CNBD1: variants seen among roughly 807,000 people sequenced by gnomAD.
The protein encoded by CNBD1 is cyclic nucleotide-binding domain-containing protein 1.
Under a neutral mutation model 54.4 loss-of-function variants are expected in CNBD1, and 71 were observed. That is an observed-to-expected ratio of 1.30 (90% confidence interval 1.08 to 1.59). CNBD1 has a LOEUF of 1.59. Among genes scored for constraint, CNBD1 ranks in the 40% most tolerant of loss-of-function variants. The pLI is 0.00. For missense variants in CNBD1, 659 were observed against 518.0 expected, an observed-to-expected ratio of 1.27 and a Z score of -2.64; for synonymous variants, 182 against 170.7, an observed-to-expected ratio of 1.07 and a Z score of -0.51.
intron 4 of CNBD1, among the ~76,000 whole-genome samples, chr8:86,951,581 CAAAAAAAAAAAAAAAAAAAAAAA>C (rs71275901): frequency 2.7e-4 from 10 of 37,362 alleles, no homozygotes; most frequent in African/African-American, 7.9e-4. Context: ...CTCCGTCTCA[CAAAAAAAAAAAAAAAAAAAAAAA>C]AAAAAAAAAA....
At chr8:87,008,024 A>G (rs983257285) in intron 4 of CNBD1, among the ~76,000 whole-genome samples, 1 of 152,210 alleles carries the variant, frequency 6.6e-6, no homozygotes, top group African/African-American at 2.4e-5. Context: ...TATTGTTTTC[A>G]TACGGATTTT....
chr8:87,081,766 A>G (rs1026469688), intron 4 of CNBD1, among the ~76,000 whole-genome samples: 3 of 152,032 alleles, frequency 2.0e-5, no homozygotes, highest in Non-Finnish European at 4.4e-5. Flanking sequence ...TCGGCCTCCC[A>G]AAGTGCTGGG....
At chr8:86,936,004 G>A (rs1402152523) in intron 3 of CNBD1, among the ~76,000 whole-genome samples, 2 of 152,076 alleles carry the variant, frequency 1.3e-5, no homozygotes, top group African/African-American at 4.8e-5. Flanking sequence ...CTGGGCATTG[G>A]TGTTTTGCAC....
chr8:87,120,752 C>G (rs1811873219), intron 4 of CNBD1, among the ~76,000 whole-genome samples: 1 of 151,748 alleles, frequency 6.6e-6, no homozygotes, highest in South Asian at 2.1e-4. Context: ...TTTTGTTATG[C>G]TGTTTTCATT....
intron 10 of CNBD1, among the ~76,000 whole-genome samples, chr8:87,371,659 C>T (rs992181193): frequency 6.6e-6 from 1 of 151,954 alleles, no homozygotes; most frequent in Admixed American, 6.6e-5. Flanking sequence ...GGGCTTCATC[C>T]CTGGGATGCA....
chr8:87,311,828 T>C (rs902591710), intron 8 of CNBD1, among the ~76,000 whole-genome samples: 12 of 152,154 alleles, frequency 7.9e-5, no homozygotes, highest in Admixed American at 3.9e-4. Context: ...CATTAACCTA[T>C]GCAAATTAAC....
rs887173296 is a variant in CNBD1 at position 87,078,961 on chromosome 8, A to G, written c.432-127032A>G. Reference sequence around the variant, plus strand: ...AATAAATTGATACACCACCAATATTAGACAAAACTGTGTTACTCCCAAAAA... The same window carrying G: ...AATAAATTGATACACCACCAATATTGGACAAAACTGTGTTACTCCCAAAAA... On this transcript the variant is annotated intron_variant, in intron 4 of 10. Transcript: ENST00000518476. 5.9e-5 allele frequency among the ~76,000 whole-genome samples: 9 copies of G among 152,186 alleles called. No individual in the cohort carries two copies. The East Asian group carries it at 1.7e-3, about 29-fold the overall frequency.
chr8:87,426,609 A>T (rs1808055353), intron 2 of CNBD1, among the ~76,000 whole-genome samples: 1 of 152,212 alleles, frequency 6.6e-6, no homozygotes, highest in Non-Finnish European at 1.5e-5. Context: ...AAATCCTAGC[A>T]ATGCCAATTG....
At chr8:87,270,906 T>G (rs183188422) in intron 6 of CNBD1, among the ~76,000 whole-genome samples, 4 of 151,978 alleles carry the variant, frequency 2.6e-5, no homozygotes, top group East Asian at 1.9e-4. Context: ...TGTCCTGGGC[T>G]TTTGTTTGAT....
intron 4 of CNBD1, among the ~76,000 whole-genome samples, chr8:86,986,555 G>C (rs1808612005): frequency 6.6e-6 from 1 of 151,996 alleles, no homozygotes; most frequent in Non-Finnish European, 1.5e-5. Context: ...TGTTGTAATT[G>C]CTTTTGGGGA....
At chr8:87,235,647 G>A (rs1330873416) in intron 5 of CNBD1, among the ~76,000 whole-genome samples, 1 of 152,060 alleles carries the variant, frequency 6.6e-6, no homozygotes, top group African/African-American at 2.4e-5. Context: ...TAACATCAAT[G>A]ATCACTGATC....
At chr8:87,321,277 C>A (rs140666399) in intron 8 of CNBD1, among the ~76,000 whole-genome samples, 1 of 152,250 alleles carries the variant, frequency 6.6e-6, no homozygotes, top group East Asian at 1.9e-4. Context: ...ATAGCTGCAA[C>A]ATTTCGCATT....
At chr8:87,105,852 T>G (rs1340510931) in intron 4 of CNBD1, among the ~76,000 whole-genome samples, 3 of 152,174 alleles carry the variant, frequency 2.0e-5, no homozygotes, top group Non-Finnish European at 2.9e-5. Context: ...TCTCGGTATC[T>G]TCACAGCTGA....
intron 5 of CNBD1, among the ~76,000 whole-genome samples, chr8:87,211,721 T>C (rs756923276): frequency 5.3e-5 from 8 of 152,178 alleles, no homozygotes; most frequent in Non-Finnish European, 1.0e-4. Context: ...GCTGAGCAGA[T>C]ACCAGCACCT....
At chr8:87,132,596 A>T (rs1342094513) in intron 4 of CNBD1, among the ~76,000 whole-genome samples, 2 of 148,040 alleles carry the variant, frequency 1.4e-5, no homozygotes, top group Non-Finnish European at 3.0e-5. Flanking sequence ...ACTATTTCTT[A>T]TATATCAAGA....
At chr8:86,974,086 A>G (rs1456228617) in intron 4 of CNBD1, among the ~76,000 whole-genome samples, 1 of 152,140 alleles carries the variant, frequency 6.6e-6, no homozygotes, top group African/African-American at 2.4e-5. Context: ...TGTAATTATA[A>G]TGATAAATGT....
At chr8:86,952,155 A>G (rs1175550248) in intron 4 of CNBD1, among the ~76,000 whole-genome samples, 1 of 152,138 alleles carries the variant, frequency 6.6e-6, no homozygotes, top group Non-Finnish European at 1.5e-5. Flanking sequence ...ACCAATGTCC[A>G]TTTTAACACA....
intron 4 of CNBD1, among the ~76,000 whole-genome samples, chr8:86,986,955 T>G (rs1049326447): frequency 1.3e-5 from 2 of 152,192 alleles, no homozygotes; most frequent in African/African-American, 4.8e-5. Flanking sequence ...TACCTCCAGC[T>G]TTGTTCTTCT....
At chr8:86,995,711 T>TGA (rs1243943097) in intron 4 of CNBD1, among the ~76,000 whole-genome samples, 9 of 72,170 alleles carry the variant, frequency 1.2e-4, no homozygotes, top group East Asian at 9.3e-4. Context: ...TGTGTGTGTG[T>TGA]GAGAGAGAGA....
Sources: gnomAD v4.1 joint callset for allele counts (sites outside exome capture counted in the v4.1 genomes callset) on GRCh38, gnomAD v4.1.1 for gene constraint, MANE v1.5 for transcripts, NCBI Gene and HGNC (gene_info 2026-07-23, HGNC 2026-07-21) for gene names.